PPP2R2B: variants seen among roughly 807,000 people sequenced by gnomAD.
PPP2R2B encodes protein phosphatase 2 regulatory subunit Bbeta.
In PPP2R2B, 5 loss-of-function variants were observed where a neutral mutation model predicts 46.0. That is an observed-to-expected ratio of 0.11 (90% CI 0.06 to 0.23). PPP2R2B has a LOEUF of 0.23. Among genes scored for constraint, PPP2R2B ranks in the 10% least tolerant of loss-of-function variants. PPP2R2B has a pLI of 1.00. For synonymous variants in PPP2R2B, 215 were observed against 206.7 expected (o/e 1.04, Z -0.34); for missense variants, 367 against 575.0 (o/e 0.64, Z 3.70).
At chr5:147,066,440 T>C (rs1757416804) in intron 2 of PPP2R2B, among the ~76,000 whole-genome samples, 1 of 152,180 alleles carries the variant, frequency 6.6e-6, no homozygotes, top group Non-Finnish European at 1.5e-5. Flanking sequence ...ACAGATACAT[T>C]AAATGCCATA....
At chr5:146,698,317 A>AT (rs1554126067) in intron 3 of PPP2R2B, among the ~76,000 whole-genome samples, 173 bp from the exon 4 acceptor site, 4 of 85,650 alleles carry the variant, frequency 4.7e-5, no homozygotes, top group South Asian at 4.4e-4. Context: ...AAAAAAAAAA[A>AT]ATATATATAT....
intron 2 of PPP2R2B, among the ~76,000 whole-genome samples, chr5:146,812,882 C>T (rs191989630): frequency 7.9e-5 from 10 of 127,346 alleles, no homozygotes; most frequent in African/African-American, 2.9e-4. Context: ...TACTCACTAC[C>T]ATGAGAACAG....
chr5:146,841,043 G>A (rs1053873248), intron 2 of PPP2R2B, among the ~76,000 whole-genome samples: 2 of 152,088 alleles, frequency 1.3e-5, no homozygotes, highest in Admixed American at 6.6e-5. Context: ...TAGGGATTCA[G>A]GAGAGGTAAC....
At chr5:147,016,171 C>A (rs1169010050) in intron 1 of PPP2R2B, among the ~76,000 whole-genome samples, 1 of 151,406 alleles carries the variant, frequency 6.6e-6, no homozygotes, top group Non-Finnish European at 1.5e-5. Flanking sequence ...TCCATCTCTA[C>A]AAAATTTTTT....
At chr5:147,009,689 T>A (rs964156555) in intron 1 of PPP2R2B, among the ~76,000 whole-genome samples, 1 of 150,904 alleles carries the variant, frequency 6.6e-6, no homozygotes, top group African/African-American at 2.5e-5. Context: ...TCACTTCACA[T>A]GTTTTCAATT....
chr5:146,899,648 A>T (rs1275850774), intron 1 of PPP2R2B, among the ~76,000 whole-genome samples: 1 of 152,160 alleles, frequency 6.6e-6, no homozygotes, highest in African/African-American at 2.4e-5. Context: ...AAAGTAGGAG[A>T]AAAAGATAAA....
Position 147,071,784 on chromosome 5 carries a change from T to G in PPP2R2B, c.50+9275A>C, listed in dbSNP as rs538807935. Among the ~76,000 whole-genome samples, 6 of 152,360 alleles carry G rather than the reference T, an allele frequency of 3.9e-5. No homozygotes were observed. In the South Asian group the frequency reaches 1.2e-3, roughly 32 times the overall value. ...GATAGCCTCATATTTTATATTCCAC[T>G]TGTTTATTACGTCTATTGTCTAGCC... On this transcript the variant is annotated intron_variant, in intron 2 of 10. Coordinates refer to the PPP2R2B transcript ENST00000394413.
chr5:146,819,618 GCTTT>G (rs748807282), intron 2 of PPP2R2B, among the ~76,000 whole-genome samples: 10 of 152,074 alleles, frequency 6.6e-5, no homozygotes, highest in Non-Finnish European at 1.5e-4. Context: ...ATAAGATTTA[GCTTT>G]CTATGTTTTT....
intron 1 of PPP2R2B, among the ~76,000 whole-genome samples, chr5:146,946,182 T>A (rs927594056): frequency 1.3e-5 from 2 of 152,134 alleles, no homozygotes; most frequent in Admixed American, 1.3e-4. Context: ...AATTAGCTAG[T>A]AGCGAGTATA....
intron 2 of PPP2R2B, among the ~76,000 whole-genome samples, chr5:146,847,004 C>T (rs182930598): frequency 1.3e-5 from 2 of 152,318 alleles, no homozygotes; most frequent in African/African-American, 4.8e-5. Context: ...ATACATCAGA[C>T]TATGGGTGGG....
chr5:146,746,182 G>T (rs1753180809), intron 2 of PPP2R2B, among the ~76,000 whole-genome samples: 1 of 152,100 alleles, frequency 6.6e-6, no homozygotes, highest in Non-Finnish European at 1.5e-5. Context: ...CCCAGAGAAC[G>T]GCTTTCCACC....
At chr5:146,809,206 C>T (rs1170976078) in intron 2 of PPP2R2B, among the ~76,000 whole-genome samples, 1 of 152,120 alleles carries the variant, frequency 6.6e-6, no homozygotes, top group African/African-American at 2.4e-5. Context: ...GGCCGTCAGG[C>T]TTTCTGCTTT....
At chr5:146,770,581 T>A (rs1427565393) in intron 2 of PPP2R2B, among the ~76,000 whole-genome samples, 1 of 152,222 alleles carries the variant, frequency 6.6e-6, no homozygotes, top group Non-Finnish European at 1.5e-5. Flanking sequence ...TTAACGTTTC[T>A]ACTTTTATGC....
At chr5:146,963,727 CAA>C in intron 1 of PPP2R2B, among the ~76,000 whole-genome samples, 1 of 152,140 alleles carries the variant, frequency 6.6e-6, no homozygotes, top group East Asian at 1.9e-4. Context: ...AGTAACTTGC[CAA>C]AAGTCACACT....
chr5:146,906,565 G>A (rs995843082), intron 1 of PPP2R2B, among the ~76,000 whole-genome samples: 5 of 152,104 alleles, frequency 3.3e-5, no homozygotes, highest in Non-Finnish European at 7.4e-5. Context: ...CAGGTGATCC[G>A]CCTGCCTCGG....
At chr5:146,735,762 C>A (rs1752498221) in intron 2 of PPP2R2B, among the ~76,000 whole-genome samples, 1 of 152,200 alleles carries the variant, frequency 6.6e-6, no homozygotes. Context: ...TCTTACAAGA[C>A]TCACACCCAC....
intron 1 of PPP2R2B, among the ~76,000 whole-genome samples, chr5:146,995,975 A>G (rs926654982): frequency 6.6e-6 from 1 of 152,212 alleles, no homozygotes; most frequent in Admixed American, 6.5e-5. Flanking sequence ...TCAAATTTCA[A>G]CACTCTAGTC....
intron 7 of PPP2R2B, among the ~76,000 whole-genome samples, chr5:146,636,619 A>G (rs909057655): frequency 1.3e-5 from 2 of 152,118 alleles, no homozygotes; most frequent in African/African-American, 4.8e-5. Context: ...GCTTGGCCCC[A>G]CCAGAACTGT....
At chr5:146,650,445 A>G in intron 6 of PPP2R2B, 102 bp downstream of exon 6, 3 of 1,089,424 alleles carry the variant, frequency 2.8e-6, no homozygotes. Context: ...TTCTCCGCAA[A>G]TGCTAGGTGT....
Sources: allele counts gnomAD v4.1 joint callset (sites outside exome capture counted in the v4.1 genomes callset), GRCh38; gene constraint gnomAD v4.1.1; transcripts MANE v1.5; gene names NCBI Gene and HGNC (gene_info 2026-07-23, HGNC 2026-07-21).